KCNQ1: variants seen among roughly 807,000 people sequenced by gnomAD.
The protein encoded by KCNQ1 is potassium voltage-gated channel subfamily KQT member 1.
KCNQ1 carries 49 observed loss-of-function variants against 72.4 expected under a neutral mutation model. The observed-to-expected ratio is 0.68, with a 90% confidence interval of 0.54 to 0.86. The LOEUF (loss-of-function observed/expected upper bound fraction) is 0.86, where lower values mean the gene tolerates loss of function less well. KCNQ1 is among the 40% of genes least tolerant of loss of function. The probability of loss-of-function intolerance (pLI) is 0.00; values close to 1 mark genes in which losing one functional copy is unlikely to be tolerated. For synonymous variants in KCNQ1, 450 were observed against 412.6 expected (o/e 1.09, Z -1.10); for missense variants, 790 against 945.1 (o/e 0.84, Z 2.15).
In KCNQ1 at chr11:2,637,687, A is replaced by G. The variant is rs960908434; in HGVS notation, c.1394-24274A>G. 25 of 152,234 alleles carry G rather than the reference A, an allele frequency of 1.6e-4. No individual in the cohort carries two copies. In the East Asian group the frequency reaches 4.8e-3, roughly 29 times the overall value. 9.4% of individuals were successfully genotyped at this position (152,234 alleles called of 1,614,324 possible). ...TGATTTGGGTTGGAATGTTCTGTAG[A>G]TGTCTATTAGGTCCACTTGGTGCAG... On this transcript the variant is annotated intron_variant, in intron 10 of 15. Transcript: ENST00000155840.
rs1851072057 is a variant in KCNQ1, at chr11:2,715,205, G to A, written c.1514+53124G>A. Among the ~76,000 whole-genome samples the A allele has an allele frequency of 6.6e-6, 1 of 152,144 alleles. No homozygotes were observed. Among genetic ancestry groups the A allele is most frequent in the South Asian group, 2.1e-4 (1 of 4,836 alleles). ...TGCCACCCGCTCCATTTACAGCCAA[G>A]GAGCCTCAGTAGAGACACAGCTAGA... On this transcript the variant is annotated intron_variant, in intron 11 of 15. Coordinates refer to ENST00000155840, the MANE Select transcript of KCNQ1 (RefSeq NM_000218.3). The surrounding 1 kb of genome is among the most constrained non-coding windows in gnomAD (Gnocchi z 4.9).
In KCNQ1 at chr11:2,673,170, A is replaced by C. The variant is rs1277849188; in HGVS notation, c.1514+11089A>C. On this transcript the variant is annotated intron_variant, in intron 11 of 15. Coordinates refer to ENST00000155840, the MANE Select transcript of KCNQ1 (RefSeq NM_000218.3). This position sits in a 1 kb window ranked among gnomAD's most constrained non-coding sequence, Gnocchi z 4.5. ...CCCTGACCCAAGCACGAGGATCAGA[A>C]TGGGCCCTGGAGCCAAGGCCAAAAG... is the stretch of plus-strand genomic sequence containing the variant. The C allele has an allele frequency of 2.3e-5, 9 of 398,562 alleles. No homozygotes were observed. The highest frequency in any genetic ancestry group is 3.5e-5 in the Non-Finnish European group (8 of 226,138). The allele number at this position is 398,562 out of a possible 1,614,324, so 24.7% of individuals were successfully genotyped here.
In KCNQ1 at chr11:2,464,491, G is replaced by C. The variant is rs183501786; in HGVS notation, c.386+19007G>C. On this transcript the variant is annotated intron_variant, in intron 1 of 15. Transcript: ENST00000155840. The surrounding 1 kb of genome is among the most constrained non-coding windows in gnomAD (Gnocchi z 5.0). ...ATTTGACCTAGGAGAGTGCCGGGGT[G>C]GGGGCAGGTGCACTGTGGTCCTGGG... Among the ~76,000 whole-genome samples the C allele has an allele frequency of 6.6e-6, 1 of 152,158 alleles. No individual in the cohort carries two copies. Among genetic ancestry groups the C allele is most frequent in the Admixed American group, 6.5e-5 (1 of 15,282 alleles).
intron 11 of KCNQ1, chr11:2,667,426 C>A (rs1241702389): frequency 2.5e-6 from 1 of 398,736 alleles, no homozygotes; most frequent in South Asian, 1.3e-4. Context: ...TGTGAACTCC[C>A]AGCCATGATG....
chr11:2,794,825 C>T (rs891617940), intron 15 of KCNQ1, among the ~76,000 whole-genome samples: 6 of 152,156 alleles, frequency 3.9e-5, no homozygotes, highest in African/African-American at 1.4e-4. Flanking sequence ...ACCTGTTCTT[C>T]CCAAGTTTGC....
At chr11:2,731,717 G>A (rs1343637821) in intron 11 of KCNQ1, among the ~76,000 whole-genome samples, 1 of 152,250 alleles carries the variant, frequency 6.6e-6, no homozygotes, top group East Asian at 1.9e-4. Context: ...TGAAGCAAGG[G>A]AGGGGAGGGC....
chr11:2,446,641 C>T lies in KCNQ1; in HGVS notation c.386+1157C>T, dbSNP rs896012715. 6.6e-6 allele frequency among the ~76,000 whole-genome samples: 1 copy of T among 152,194 alleles called. No individual in the cohort carries two copies. Among genetic ancestry groups the T allele is most frequent in the African/African-American group, 2.4e-5 (1 of 41,454 alleles). On this transcript the variant is annotated intron_variant, in intron 1 of 15. Coordinates refer to ENST00000155840, the MANE Select transcript of KCNQ1 (RefSeq NM_000218.3). This position sits in a 1 kb window ranked among gnomAD's most constrained non-coding sequence, Gnocchi z 8.8. ...GGGTGGGGTAGGGGTCGCAGGGCTA[C>T]TGCCTTCCTTGCTAAGAGGTGGCCT...
chr11:2,683,961 T>G lies in KCNQ1; in HGVS notation c.1514+21880T>G, dbSNP rs981733775. ...GACAAAACCAGCTGACTGCTTTTAC[T>G]TTTTTTTTTTTTTCATTTAGAAGAA... On this transcript the variant is annotated intron_variant, in intron 11 of 15. Coordinates refer to ENST00000155840, the MANE Select transcript of KCNQ1 (RefSeq NM_000218.3). This position sits in a 1 kb window ranked among gnomAD's most constrained non-coding sequence, Gnocchi z 4.7. The G allele has an allele frequency of 1.2e-5, 2 of 167,000 alleles. No homozygotes were observed. Among genetic ancestry groups the G allele is most frequent in the African/African-American group, 7.3e-5 (2 of 27,346 alleles). 10.3% of individuals were successfully genotyped at this position (167,000 alleles called of 1,614,324 possible). A position where few individuals can be genotyped will look rare whatever the true frequency, so the allele number is the denominator to read the frequency against.
chr11:2,657,420 T>C lies in KCNQ1; in HGVS notation c.1394-4541T>C, dbSNP rs1012256383. Reference sequence around the variant, plus strand: ...TACAATTTTCTCCAGAGTTCTTGCATATACTTAGTTAGATAATTAATATTC... The same window carrying C: ...TACAATTTTCTCCAGAGTTCTTGCACATACTTAGTTAGATAATTAATATTC... On this transcript the variant is annotated intron_variant, in intron 10 of 15. Coordinates refer to ENST00000155840, the MANE Select transcript of KCNQ1 (RefSeq NM_000218.3). The surrounding 1 kb of genome is among the most constrained non-coding windows in gnomAD (Gnocchi z 4.8). The C allele has an allele frequency of 2.8e-5, 11 of 398,480 alleles. No individual in the cohort carries two copies. Among genetic ancestry groups the C allele is most frequent in the African/African-American group, 2.3e-4 (11 of 48,644 alleles). 24.7% of individuals were successfully genotyped at this position (398,480 alleles called of 1,614,324 possible). A position where few individuals can be genotyped will look rare whatever the true frequency, so the allele number is the denominator to read the frequency against.
rs544613439 is a variant in KCNQ1 at position 2,764,352 on chromosome 11, C to A, written c.1515-4492C>A. On this transcript the variant is annotated intron_variant, in intron 11 of 15. Transcript: ENST00000155840. The surrounding 1 kb of genome is among the most constrained non-coding windows in gnomAD (Gnocchi z 4.8). ...TATTCTGTTGATGTGAAGAGTGACGCTGCTTGGTCCTTAGAGGGTAAACTC... is the reference window on the plus strand; with the variant it reads ...TATTCTGTTGATGTGAAGAGTGACGATGCTTGGTCCTTAGAGGGTAAACTC... Among the ~76,000 whole-genome samples the A allele has an allele frequency of 7.2e-5, 11 of 152,294 alleles. No individual in the cohort carries two copies. In the South Asian group the frequency reaches 1.0e-3, roughly 14 times the overall value.
intron 11 of KCNQ1, among the ~76,000 whole-genome samples, chr11:2,738,604 C>T (rs1277061162): frequency 3.3e-5 from 5 of 152,208 alleles, no homozygotes; most frequent in Non-Finnish European, 5.9e-5. Flanking sequence ...TCCCATCCCT[C>T]CTGGGCCCCC....
chr11:2,773,167 G>A (rs144188359), intron 12 of KCNQ1, among the ~76,000 whole-genome samples: 1 of 151,610 alleles, frequency 6.6e-6, no homozygotes, highest in African/African-American at 2.4e-5. Context: ...CATACGGAAG[G>A]GAGAAACAGA....
intron 11 of KCNQ1, among the ~76,000 whole-genome samples, chr11:2,753,663 T>A (rs1435850451): frequency 6.6e-6 from 1 of 152,224 alleles, no homozygotes; most frequent in Non-Finnish European, 1.5e-5. Flanking sequence ...TTCATCACCC[T>A]CAAAATGTCC....
At chr11:2,719,088 G>T (rs1851157134) in intron 11 of KCNQ1, among the ~76,000 whole-genome samples, 1 of 152,222 alleles carries the variant, frequency 6.6e-6, no homozygotes, top group African/African-American at 2.4e-5. Context: ...GTGGCAAGTG[G>T]AGCCCCAACC....
Position 2,813,162 on chromosome 11 carries a change from C to T in KCNQ1, c.1795-34605C>T, listed in dbSNP as rs1181053119. Among the ~76,000 whole-genome samples the T allele has an allele frequency of 2.0e-5, 3 of 152,236 alleles. No individual in the cohort carries two copies. Among genetic ancestry groups the T allele is most frequent in the Non-Finnish European group, 2.9e-5 (2 of 68,046 alleles). On this transcript the variant is annotated intron_variant, in intron 15 of 15. Transcript: ENST00000155840. This position sits in a 1 kb window ranked among gnomAD's most constrained non-coding sequence, Gnocchi z 4.4. ...CCCGACAGACTGTGAGCCCTGTCTTCCTCTTGGCACCATGAGTCACCTGTC... is the reference window on the plus strand; with the variant it reads ...CCCGACAGACTGTGAGCCCTGTCTTTCTCTTGGCACCATGAGTCACCTGTC...
intron 1 of KCNQ1, among the ~76,000 whole-genome samples, chr11:2,499,808 C>A (rs1295856470): frequency 6.6e-6 from 1 of 152,190 alleles, no homozygotes; most frequent in Non-Finnish European, 1.5e-5. Flanking sequence ...GCACTGTAGA[C>A]CAAATATACC....
chr11:2,527,160 G>A (rs1428706627), intron 1 of KCNQ1, among the ~76,000 whole-genome samples: 1 of 152,194 alleles, frequency 6.6e-6, no homozygotes, highest in Non-Finnish European at 1.5e-5. Context: ...CCAGGGTGGG[G>A]CTCTGTGCGC....
rs1356220578 is a variant in KCNQ1, at chr11:2,848,019, G to A, written c.*16G>A. On this transcript the variant is annotated 3_prime_UTR_variant, in exon 16 of 16. Coordinates refer to ENST00000155840, the MANE Select transcript of KCNQ1 (RefSeq NM_000218.3). ...GGGGTCCTGAGGAGGGGATGGGGCT[G>A]GGGGATGGGCCTGAGTGAGAGGGGA... 16 of 1,532,392 alleles carry A rather than the reference G, an allele frequency of 1.0e-5. No individual in the cohort carries two copies. Among genetic ancestry groups the A allele is most frequent in the Non-Finnish European group, 1.4e-5 (16 of 1,137,018 alleles). The allele number at this position is 1,532,392 out of a possible 1,614,324, so 94.9% of individuals were successfully genotyped here. A position where few individuals can be genotyped will look rare whatever the true frequency, so the allele number is the denominator to read the frequency against.
In KCNQ1 at chr11:2,669,911, G is replaced by C; in HGVS notation, c.1514+7830G>C. ...ATAAGATGTGCCTAGAGGCCTGAGA[G>C]TCCCAAGCTCCAGGACAGTCTGGAG... is the stretch of plus-strand genomic sequence containing the variant. On this transcript the variant is annotated intron_variant, in intron 11 of 15. Transcript: ENST00000155840. The surrounding 1 kb of genome is among the most constrained non-coding windows in gnomAD (Gnocchi z 5.6). 1 of 398,632 alleles carries C rather than the reference G, an allele frequency of 2.5e-6. No individual in the cohort carries two copies. The highest frequency in any genetic ancestry group is 4.4e-6 in the Non-Finnish European group (1 of 226,088). 24.7% of individuals were successfully genotyped at this position (398,632 alleles called of 1,614,324 possible).
Sources: gnomAD v4.1 joint callset for allele counts (sites outside exome capture counted in the v4.1 genomes callset) on GRCh38, gnomAD v4.1.1 for gene constraint, Gnocchi (gnomAD v3.1) non-coding constraint, MANE v1.5 for transcripts, NCBI Gene and HGNC (gene_info 2026-07-23, HGNC 2026-07-21) for gene names.